Variants in ERGIC2 observed in about 807,000 individuals in gnomAD.
The protein encoded by ERGIC2 is endoplasmic reticulum-Golgi intermediate compartment protein 2.
ERGIC2 carries 31 observed loss-of-function variants against 52.5 expected under a neutral mutation model. That is an observed-to-expected ratio of 0.59 (90% CI 0.44 to 0.80). ERGIC2 has a LOEUF of 0.80. Ranked by LOEUF, ERGIC2 falls within the 30% of genes least tolerant of loss-of-function variation. The probability of loss-of-function intolerance (pLI) is 0.00; values close to 1 mark genes in which losing one functional copy is unlikely to be tolerated. For missense variants in ERGIC2, 395 were observed against 455.2 expected, an observed-to-expected ratio of 0.87 and a Z score of 1.20; for synonymous variants, 129 against 140.6, an observed-to-expected ratio of 0.92 and a Z score of 0.58.
rs369916031 is a variant in ERGIC2 at position 29,378,890 on chromosome 12, T to C, written c.-38+2225A>G. On this transcript the variant is annotated intron_variant, in intron 1 of 13. Transcript: ENST00000360150. ...TTAAAAGATGGGCAGCAGGACATAA[T>C]GGCTACCTCACAGTGTTAAGATAAA... Among the ~76,000 whole-genome samples, 27 of 152,324 alleles carry C rather than the reference T, an allele frequency of 1.8e-4. No homozygotes were observed. In the East Asian group the frequency reaches 4.4e-3, roughly 25 times the overall value.
chr12:29,355,143 T>G (rs1940184754), intron 8 of ERGIC2, among the ~76,000 whole-genome samples: 1 of 152,118 alleles, frequency 6.6e-6, no homozygotes, highest in Non-Finnish European at 1.5e-5. Context: ...CTCCTAGTGT[T>G]CAAAGGTCTT....
chr12:29,369,763 G>A (rs1183227435), intron 3 of ERGIC2, among the ~76,000 whole-genome samples: 3 of 151,930 alleles, frequency 2.0e-5, no homozygotes, highest in Non-Finnish European at 4.4e-5. Context: ...GGTATACAAT[G>A]TATCCTTAGA....
rs751712471 is a variant in ERGIC2 at position 29,350,625 on chromosome 12, T to G, written c.573-557A>C. Among the ~76,000 whole-genome samples, 20 of 152,250 alleles carry G rather than the reference T, an allele frequency of 1.3e-4. 1 individual carries two copies. The South Asian group carries it at 4.1e-3, about 32-fold the overall frequency. The stretch of plus-strand genomic sequence containing the variant: ...TTCCAGTAGATTATTCTCCTAATAC[T>G]TATTTACTTATAAACATGTTATTAT... On this transcript the variant is annotated intron_variant, in intron 8 of 13. Transcript: ENST00000360150.
intron 9 of ERGIC2, 57 bp downstream of exon 9, chr12:29,349,956 T>C: frequency 8.9e-7 from 1 of 1,123,702 alleles, no homozygotes. Flanking sequence ...TCTGCACTTT[T>C]AAAAATAATA....
At chr12:29,342,519 G>T (rs1949846994) in intron 12 of ERGIC2, among the ~76,000 whole-genome samples, 1 of 152,106 alleles carries the variant, frequency 6.6e-6, no homozygotes, top group South Asian at 2.1e-4. Context: ...GATGAAAATA[G>T]AATTGTTTCC....
chr12:29,356,830 G>C (rs1182919768), intron 7 of ERGIC2, among the ~76,000 whole-genome samples: 1 of 151,974 alleles, frequency 6.6e-6, no homozygotes, highest in Non-Finnish European at 1.5e-5. Flanking sequence ...GGGAGGGAGG[G>C]CAGAAACATG....
intron 2 of ERGIC2, among the ~76,000 whole-genome samples, chr12:29,370,654 A>ATATAATT (rs1463673298): frequency 1.3e-5 from 2 of 151,966 alleles, no homozygotes; most frequent in Non-Finnish European, 2.9e-5. Context: ...TTGTATATAA[A>ATATAATT]TGTATATAAA....
chr12:29,366,207 C>A (rs1362288757), intron 5 of ERGIC2, among the ~76,000 whole-genome samples: 1 of 151,918 alleles, frequency 6.6e-6, no homozygotes, highest in Non-Finnish European at 1.5e-5. Context: ...CTGCTGAGGG[C>A]CTCATGCTTA....
intron 1 of ERGIC2, among the ~76,000 whole-genome samples, chr12:29,375,829 C>T (rs965712672): frequency 1.3e-5 from 2 of 152,246 alleles, no homozygotes; most frequent in Admixed American, 6.5e-5. Flanking sequence ...CCTCGCCCCT[C>T]AGCTACTCCA....
intron 11 of ERGIC2, among the ~76,000 whole-genome samples, chr12:29,343,690 T>C (rs1949856383): frequency 1.3e-5 from 2 of 152,162 alleles, no homozygotes; most frequent in Admixed American, 6.6e-5. Flanking sequence ...TACAAAACTC[T>C]TTCCCTATTA....
intron 12 of ERGIC2, among the ~76,000 whole-genome samples, chr12:29,342,459 C>T (rs1308584088): frequency 6.6e-6 from 1 of 152,152 alleles, no homozygotes; most frequent in Non-Finnish European, 1.5e-5. Flanking sequence ...AAATATGATT[C>T]TAAGTATAAT....
intron 1 of ERGIC2, among the ~76,000 whole-genome samples, chr12:29,373,193 T>A (rs1940468184): frequency 6.6e-6 from 1 of 152,100 alleles, no homozygotes; most frequent in South Asian, 2.1e-4. Context: ...ATTTTTATAA[T>A]CAAAACATTT....
At chr12:29,352,645 C>T (rs1940148502) in intron 8 of ERGIC2, among the ~76,000 whole-genome samples, 1 of 152,166 alleles carries the variant, frequency 6.6e-6, no homozygotes, top group Non-Finnish European at 1.5e-5. Context: ...GCATGAGCAA[C>T]AGAGCGAGAC....
In ERGIC2 at chr12:29,349,014, T is replaced by C. The variant is rs1940095439; in HGVS notation, c.727+65A>G. The C allele has an allele frequency of 3.9e-6, 3 of 766,362 alleles. No individual in the cohort carries two copies. The South Asian group carries it at 4.9e-5, about 13-fold the overall frequency. 47.5% of individuals were successfully genotyped at this position (766,362 alleles called of 1,614,324 possible). ...AGTTAGGAAGACATTAAAAATGTAT[T>C]AATATTCAGGTTATAAGCAAAATTT... On this transcript the variant is annotated intron_variant, in intron 10 of 13. Transcript: ENST00000360150.
At chr12:29,347,091 C>T (rs969822058) in intron 10 of ERGIC2, among the ~76,000 whole-genome samples, 3 of 152,160 alleles carry the variant, frequency 2.0e-5, no homozygotes, top group Non-Finnish European at 2.9e-5. Context: ...GAAGCTTGCA[C>T]CCCTTTGTAC....
At chr12:29,346,224 C>T (rs1350778974) in intron 10 of ERGIC2, among the ~76,000 whole-genome samples, 1 of 150,668 alleles carries the variant, frequency 6.6e-6, no homozygotes, top group East Asian at 2.0e-4. Context: ...GGTCTCACTC[C>T]ATCGCCCAGG....
Position 29,380,027 on chromosome 12 carries a change from C to T in ERGIC2, c.-38+1088G>A, listed in dbSNP as rs905348172. Among the ~76,000 whole-genome samples, 10 of 148,068 alleles carry T rather than the reference C, an allele frequency of 6.8e-5. No homozygotes were observed. In the East Asian group the frequency reaches 1.6e-3, roughly 24 times the overall value. ...TTTGTACCAGGAAGCCATTATAACA[C>T]GCAACTGTATACTAAAGTTCACCAT... On this transcript the variant is annotated intron_variant, in intron 1 of 13. Transcript: ENST00000360150.
intron 2 of ERGIC2, 52 bp downstream of exon 2, chr12:29,371,476 T>C (rs1940438868): frequency 8.7e-7 from 1 of 1,155,718 alleles, no homozygotes; most frequent in African/African-American, 1.6e-5. Flanking sequence ...GTTGACTGGA[T>C]CACGCAGAAG....
Position 29,356,453 on chromosome 12 carries a change from T to C in ERGIC2, c.501A>G (p.Pro167=). The C allele has an allele frequency of 6.3e-7, 1 of 1,594,724 alleles. No homozygotes were observed. The highest frequency in any genetic ancestry group is 8.6e-7 in the Non-Finnish European group (1 of 1,162,536). Residue 167 remains proline, a synonymous_variant, in exon 8 of 14, where the codon CCA becomes CCG. Coordinates refer to ENST00000360150, the MANE Select transcript of ERGIC2 (RefSeq NM_016570.3). ...PPREDDSSQS[P]NACRIHGHLY... is the part of the protein sequence containing the mutation. ...GATGGCCATGAATTCTGCATGCATT[T>C]GGAGACTGTGATGAATCATCTTCTC... is the stretch of plus-strand genomic sequence containing the variant.
Sources: allele counts gnomAD v4.1 joint callset (sites outside exome capture counted in the v4.1 genomes callset), GRCh38; gene constraint gnomAD v4.1.1; transcripts MANE v1.5; gene names NCBI Gene and HGNC (gene_info 2026-07-23, HGNC 2026-07-21).